The following FCGR2A variants were observed in gnomAD, a reference collection of about 807,000 sequenced individuals.
FCGR2A encodes the protein Fc gamma receptor IIa.
In FCGR2A, 18 loss-of-function variants were observed where a neutral mutation model predicts 29.3. That is an observed-to-expected ratio of 0.62 (90% CI 0.43 to 0.91). The LOEUF is 0.91. Ranked by LOEUF, FCGR2A falls within the 40% of genes least tolerant of loss-of-function variation. FCGR2A has a pLI of 0.00. For synonymous variants in FCGR2A, 126 were observed against 144.8 expected (o/e 0.87, Z 0.93); for missense variants, 287 against 393.0 (o/e 0.73, Z 2.28).
rs199502630 is a variant in FCGR2A at position 161,510,888 on chromosome 1, C to T, written c.674C>T (p.Ala225Val). 15 of 1,614,148 alleles carry T rather than the reference C, an allele frequency of 9.3e-6. No homozygotes were observed. Among genetic ancestry groups the T allele is most frequent in the East Asian group, 8.9e-5 (4 of 44,886 alleles). Residue 225 changes from alanine (A) to valine (V), a missense_variant, in exon 5 of 7, where the codon GCG becomes GTG. Physicochemically the swap from Ala to Val is moderately conservative, Grantham distance 64. Transcript: ENST00000271450. ...GGGATCATTGTGGCTGTGGTCATTG[C>T]GACTGCTGTAGCAGCCATTGTTGCT... The part of the protein sequence containing the change: ...PMGIIVAVVI[A>V]TAVAAIVAAV...
chr1:161,506,836 A>T (rs772937454), intron 3 of FCGR2A: 3 of 736,306 alleles, frequency 4.1e-6, no homozygotes, highest in Admixed American at 6.0e-5. Flanking sequence ...TGATTGAGCA[A>T]GGGGGTTACG....
chr1:161,520,170 C>T (rs2499434), downstream of FCGR2A, among the ~76,000 whole-genome samples: 1 of 152,022 alleles, frequency 6.6e-6, no homozygotes, highest in Admixed American at 6.6e-5. Context: ...ATGTATTAGT[C>T]TGTTCTCACG....
At chr1:161,507,323 ATG>A (rs1334198739) in intron 3 of FCGR2A, among the ~76,000 whole-genome samples, 1 of 152,096 alleles carries the variant, frequency 6.6e-6, no homozygotes, top group Non-Finnish European at 1.5e-5. Context: ...GGGTCTCAGT[ATG>A]TTGCCCAGGC....
rs539935375 is a variant in FCGR2A at position 161,513,580 on chromosome 1, C to T, written c.743-315C>T. ...CTCTGATGCTGAACACCCTGCTCCA[C>T]GTCTTCCCCAGTATCTCAGATCCCC... On this transcript the variant is annotated intron_variant, in intron 5 of 6. Transcript: ENST00000271450. 6.2e-4 allele frequency: 323 copies of T among 519,770 alleles called. No homozygotes were observed. In the East Asian group the frequency reaches 7.9e-3, roughly 13 times the overall value. 32.2% of individuals were successfully genotyped at this position (519,770 alleles called of 1,614,324 possible). A position where few individuals can be genotyped will look rare whatever the true frequency, so the allele number is the denominator to read the frequency against.
intron 5 of FCGR2A, among the ~76,000 whole-genome samples, chr1:161,511,721 G>A (rs2102472580): frequency 6.6e-6 from 1 of 152,344 alleles, no homozygotes; most frequent in South Asian, 2.1e-4. Flanking sequence ...TGAGGACTCA[G>A]GCCCCACTGC....
chr1:161,514,739 T>G (rs1221090424), intron 6 of FCGR2A: 1 of 152,642 alleles, frequency 6.6e-6, no homozygotes, highest in Non-Finnish European at 1.4e-5. Context: ...GGAACTATAC[T>G]AGGTCCAGTA....
In FCGR2A at chr1:161,505,969, C is replaced by G; in HGVS notation, c.86-18C>G. ...TGTTCTCCTGCTCGACGTTGATCCA[C>G]TCTCTTCTCTTTTACAGCTTCTGCA... On this transcript the variant is annotated intron_variant, in intron 1 of 6. Transcript: ENST00000271450. 6.2e-7 allele frequency: 1 copy of G among 1,613,950 alleles called. No homozygotes were observed. Among genetic ancestry groups the G allele is most frequent in the Non-Finnish European group, 8.5e-7 (1 of 1,179,774 alleles).
chr1:161,511,659 A>G (rs926749950), intron 5 of FCGR2A, among the ~76,000 whole-genome samples: 4 of 152,128 alleles, frequency 2.6e-5, no homozygotes, highest in African/African-American at 7.2e-5. Flanking sequence ...AACATCTGCC[A>G]GAGGGAAGGC....
At chr1:161,508,511 T>A (rs530870038) in intron 3 of FCGR2A, among the ~76,000 whole-genome samples, 149 of 150,218 alleles carry the variant, frequency 9.9e-4, no homozygotes, top group South Asian at 1.7e-3. Flanking sequence ...TGCTTGAACT[T>A]GGGAGGTGGA....
downstream of FCGR2A, chr1:161,523,674 C>T (rs1459875524): frequency 2.0e-5 from 3 of 152,108 alleles, no homozygotes; most frequent in African/African-American, 7.2e-5. Context: ...AGGTCTCTCC[C>T]GAGTCCCAGG....
intron 4 of FCGR2A, among the ~76,000 whole-genome samples, chr1:161,510,602 T>A (rs1675709528): frequency 6.6e-6 from 1 of 152,172 alleles, no homozygotes; most frequent in African/African-American, 2.4e-5. Flanking sequence ...TTTCATTCAT[T>A]TGGTGGAGAA....
In FCGR2A at chr1:161,515,540, T is replaced by G. The variant is rs1571981418; in HGVS notation, c.780+1608T>G. Among the ~76,000 whole-genome samples, 3 of 152,084 alleles carry G rather than the reference T, an allele frequency of 2.0e-5. No individual in the cohort carries two copies. In the East Asian group the frequency reaches 5.8e-4, roughly 29 times the overall value. On this transcript the variant is annotated intron_variant, in intron 6 of 6. Transcript: ENST00000271450. The stretch of plus-strand genomic sequence containing the variant: ...ATAATAGGTGAAAATGCCCCAAAAC[T>G]CCTTCTTGGAGAAGCTTCGTACCCT...
At chr1:161,517,281 C>T (rs1366728324) in intron 6 of FCGR2A, among the ~76,000 whole-genome samples, 1 of 152,034 alleles carries the variant, frequency 6.6e-6, no homozygotes, top group African/African-American at 2.4e-5. Flanking sequence ...GCTTGTGTTC[C>T]TACTGATGTC....
chr1:161,518,235 G>A lies in FCGR2A; in HGVS notation c.*87G>A. The A allele has an allele frequency of 6.5e-7, 1 of 1,549,396 alleles. No homozygotes were observed. Among genetic ancestry groups the A allele is most frequent in the Non-Finnish European group, 8.7e-7 (1 of 1,151,716 alleles). On this transcript the variant is annotated 3_prime_UTR_variant, in exon 7 of 7. Coordinates refer to ENST00000271450, the MANE Select transcript of FCGR2A (RefSeq NM_001136219.3). ...GAATTGTTAAAGGAAAATTTAAATG[G>A]AGACTGGAAAAATCCTGAGCAAACA...
downstream of FCGR2A, among the ~76,000 whole-genome samples, chr1:161,522,518 C>T (rs1235990337): frequency 3.3e-5 from 5 of 152,040 alleles, no homozygotes; most frequent in Admixed American, 6.6e-5. Flanking sequence ...CCCCTTAACA[C>T]GCCGGGGCAC....
chr1:161,506,723 A>T, intron 3 of FCGR2A, 132 bp downstream of exon 3: 2 of 1,468,566 alleles, frequency 1.4e-6, no homozygotes, highest in Admixed American at 2.4e-5. Flanking sequence ...TTGCTCATTC[A>T]TTCCCCATTT....
At chr1:161,522,350 G>C (rs2499432), downstream of FCGR2A, among the ~76,000 whole-genome samples, 1 of 152,110 alleles carries the variant, frequency 6.6e-6, no homozygotes, top group Non-Finnish European at 1.5e-5. Flanking sequence ...CAATTAAAAA[G>C]AAGTGAGTGA....
At chr1:161,517,859 G>A (rs1040474985) in intron 6 of FCGR2A, 116 bp from the exon 7 acceptor site, 13 of 660,476 alleles carry the variant, frequency 2.0e-5, no homozygotes, top group African/African-American at 1.5e-4. Flanking sequence ...CTTGGCTCCC[G>A]AGAATCTTTG....
intron 5 of FCGR2A, among the ~76,000 whole-genome samples, chr1:161,512,155 G>A (rs1481607305): frequency 3.3e-5 from 5 of 151,120 alleles, no homozygotes; most frequent in Non-Finnish European, 4.4e-5. Flanking sequence ...AGAGCTGGCA[G>A]AGGATGGGGT....
Sources: gnomAD v4.1 joint callset for allele counts (sites outside exome capture counted in the v4.1 genomes callset) on GRCh38, gnomAD v4.1.1 for gene constraint, MANE v1.5 for transcripts, NCBI Gene and HGNC (gene_info 2026-07-23, HGNC 2026-07-21) for gene names.